CLASP2: variants seen among roughly 807,000 people sequenced by gnomAD.
The protein encoded by CLASP2 is CLIP-associating protein 2.
CLASP2 carries 47 observed loss-of-function variants against 194.4 expected under a neutral mutation model. The observed-to-expected ratio is 0.24, with a 90% CI of 0.19 to 0.31. The LOEUF is 0.31. Ranked by LOEUF, CLASP2 falls within the 10% of genes least tolerant of loss-of-function variation. CLASP2 has a pLI of 1.00. For missense variants in CLASP2, 1,445 were observed against 1,823.6 expected (o/e 0.79, Z 3.78); for synonymous variants, 619 against 633.5 (o/e 0.98, Z 0.34).
chr3:33,703,427 C>T (rs2092496035), intron 1 of CLASP2, among the ~76,000 whole-genome samples: 1 of 152,114 alleles, frequency 6.6e-6, no homozygotes. Context: ...TTAAAATGGC[C>T]ATAACCCAAT....
chr3:33,596,538 T>C, intron 19 of CLASP2, 173 bp downstream of exon 19: 3 of 646,368 alleles, frequency 4.6e-6, no homozygotes, highest in Non-Finnish European at 5.5e-6. Context: ...CCAATAGATA[T>C]CCCTAACCCC....
At chr3:33,598,279 G>A (rs2071035682) in intron 18 of CLASP2, among the ~76,000 whole-genome samples, 1 of 151,768 alleles carries the variant, frequency 6.6e-6, no homozygotes, top group African/African-American at 2.4e-5. Flanking sequence ...TCACCTGTTA[G>A]CACATGATCC....
At chr3:33,518,219 C>T (rs947923717) in intron 34 of CLASP2, among the ~76,000 whole-genome samples, 3 of 152,034 alleles carry the variant, frequency 2.0e-5, no homozygotes, top group African/African-American at 7.2e-5. Flanking sequence ...TTTGTTTTTG[C>T]CTTCTTTTTA....
intron 36 of CLASP2, 118 bp downstream of exon 36, chr3:33,515,904 AC>A (rs2051188119): frequency 1.0e-6 from 1 of 975,558 alleles, no homozygotes; most frequent in South Asian, 2.1e-5. Flanking sequence ...ATCAGGTATT[AC>A]CCTGAATGTC....
chr3:33,589,404 G>C (rs2068164796), intron 21 of CLASP2, among the ~76,000 whole-genome samples: 1 of 152,014 alleles, frequency 6.6e-6, no homozygotes, highest in South Asian at 2.1e-4. Flanking sequence ...GATATGGTAA[G>C]ACCATGCAAG....
intron 1 of CLASP2, 56 bp downstream of exon 1, chr3:33,717,752 G>C: frequency 6.5e-7 from 1 of 1,532,506 alleles, no homozygotes; most frequent in South Asian, 1.2e-5. Flanking sequence ...TCGCGTCCGG[G>C]ATTAAAGGGC....
intron 37 of CLASP2, chr3:33,504,247 C>T (rs1242571540): frequency 2.0e-5 from 3 of 152,122 alleles, no homozygotes; most frequent in Non-Finnish European, 4.4e-5. Flanking sequence ...TAATCCACTG[C>T]CATAGAGGAT....
intron 10 of CLASP2, 76 bp from the exon 11 acceptor site, chr3:33,622,356 C>A: frequency 8.8e-7 from 1 of 1,133,530 alleles, no homozygotes; most frequent in South Asian, 2.8e-5. Context: ...CTTCATTATT[C>A]AAACAAAAAC....
intron 1 of CLASP2, among the ~76,000 whole-genome samples, chr3:33,711,543 A>G (rs1282869184): frequency 6.6e-6 from 1 of 151,786 alleles, no homozygotes; most frequent in African/African-American, 2.4e-5. Context: ...TACAGGTGTG[A>G]GCCACCATGC....
At chr3:33,681,191 C>T (rs1373384350) in intron 6 of CLASP2, among the ~76,000 whole-genome samples, 1 of 150,996 alleles carries the variant, frequency 6.6e-6, no homozygotes, top group East Asian at 1.9e-4. Context: ...TGTATACATA[C>T]ACACGCACAC....
At chr3:33,577,078 C>T (rs552535020) in intron 23 of CLASP2, 2 of 822,428 alleles carry the variant, frequency 2.4e-6, no homozygotes, top group Non-Finnish European at 3.6e-6. Context: ...AGTTTATTCT[C>T]CAACAAATTA....
chr3:33,659,449 T>G, intron 7 of CLASP2: 44 of 974,804 alleles, frequency 4.5e-5, no homozygotes, highest in Non-Finnish European at 5.1e-5. Context: ...AATCACATGA[T>G]CTGATGGATT....
intron 36 of CLASP2, chr3:33,514,586 C>T (rs2050761961): frequency 9.0e-6 from 2 of 222,836 alleles, no homozygotes; most frequent in African/African-American, 2.2e-5. Context: ...ATACCTAATG[C>T]TATTGCTCAG....
intron 1 of CLASP2, among the ~76,000 whole-genome samples, chr3:33,699,872 C>CAA (rs34347002): frequency 0.021 from 2,011 of 93,900 alleles, 32 homozygotes; most frequent in Non-Finnish European, 0.033. Context: ...ATTGTACTAC[C>CAA]AAAAAAAAAA....
intron 3 of CLASP2, 103 bp from the exon 4 acceptor site, chr3:33,688,471 A>C (rs1169005626): frequency 2.3e-5 from 19 of 843,994 alleles, no homozygotes; most frequent in Non-Finnish European, 3.5e-5. Context: ...CGGTAACTGA[A>C]TGTTTTCATC....
chr3:33,701,560 C>T (rs2154353212), intron 1 of CLASP2, among the ~76,000 whole-genome samples: 2 of 152,344 alleles, frequency 1.3e-5, no homozygotes, highest in South Asian at 4.1e-4. Flanking sequence ...TGCACCACTG[C>T]ACTCCAGCCT....
chr3:33,666,768 T>C (rs2086245208), intron 6 of CLASP2, among the ~76,000 whole-genome samples: 1 of 152,238 alleles, frequency 6.6e-6, no homozygotes, highest in African/African-American at 2.4e-5. Flanking sequence ...ATGTTTGACA[T>C]TTTGAGGAAT....
chr3:33,512,414 G>A (rs867430426), intron 36 of CLASP2, among the ~76,000 whole-genome samples: 1 of 26,124 alleles, frequency 3.8e-5, no homozygotes, highest in African/African-American at 1.7e-4. Flanking sequence ...TGGTGGGGTC[G>A]GGGGAGGGGG....
intron 10 of CLASP2, 73 bp from the exon 11 acceptor site, chr3:33,622,353 AT>A: frequency 8.4e-7 from 1 of 1,196,298 alleles, no homozygotes; most frequent in Non-Finnish European, 1.1e-6. Context: ...AAACTTCATT[AT>A]TCAAACAAAA....
Sources: gnomAD v4.1 joint callset for allele counts (sites outside exome capture counted in the v4.1 genomes callset) on GRCh38, gnomAD v4.1.1 for gene constraint, MANE v1.5 for transcripts, NCBI Gene and HGNC (gene_info 2026-07-23, HGNC 2026-07-21) for gene names.